The following FKBP5 variants were observed in gnomAD, a reference collection of about 807,000 sequenced individuals.
The protein encoded by FKBP5 is peptidyl-prolyl cis-trans isomerase FKBP5.
FKBP5 carries 23 observed loss-of-function variants against 50.5 expected under a neutral mutation model. That is an observed-to-expected ratio of 0.46 (90% CI 0.33 to 0.65). The LOEUF is 0.65. Ranked by LOEUF, FKBP5 falls within the 30% of genes least tolerant of loss-of-function variation. FKBP5 has a pLI of 0.02. For synonymous variants in FKBP5, 176 were observed against 190.6 expected, an observed-to-expected ratio of 0.92 and a Z score of 0.63; for missense variants, 411 against 553.1, an observed-to-expected ratio of 0.74 and a Z score of 2.58.
At chr6:35,628,696 T>C (rs1764067531) in intron 3 of FKBP5, among the ~76,000 whole-genome samples, 1 of 152,220 alleles carries the variant, frequency 6.6e-6, no homozygotes, top group Non-Finnish European at 1.5e-5. Context: ...CCTGTATACC[T>C]TTTCCTCATA....
intron 7 of FKBP5, among the ~76,000 whole-genome samples, chr6:35,589,701 A>C (rs952183802): frequency 6.6e-6 from 1 of 152,222 alleles, no homozygotes; most frequent in Non-Finnish European, 1.5e-5. Context: ...GCTAAAGATT[A>C]TCTTCTCTCT....
intron 7 of FKBP5, among the ~76,000 whole-genome samples, chr6:35,589,320 G>GT (rs1293256955): frequency 2.0e-5 from 3 of 151,368 alleles, no homozygotes; most frequent in Non-Finnish European, 4.4e-5. Context: ...GCATAGATGG[G>GT]TTTTCACCAT....
chr6:35,585,382 A>AAAAAC (rs1561844523), intron 8 of FKBP5: 1 of 981,738 alleles, frequency 1.0e-6, no homozygotes, highest in Admixed American at 6.2e-5. Flanking sequence ...AATTAGAATT[A>AAAAAC]AAAACAAAAC....
chr6:35,721,600 C>T (rs1433742618), intron 1 of FKBP5, among the ~76,000 whole-genome samples: 1 of 152,110 alleles, frequency 6.6e-6, no homozygotes, highest in Non-Finnish European at 1.5e-5. Context: ...GGACCACAGC[C>T]ATGCGCTACC....
intron 1 of FKBP5, among the ~76,000 whole-genome samples, chr6:35,665,483 G>A (rs1765190187): frequency 6.6e-6 from 1 of 151,916 alleles, no homozygotes. Flanking sequence ...TAGAGATAGG[G>A]TTTCACTATG....
chr6:35,591,582 T>A (rs1209268702), intron 6 of FKBP5, among the ~76,000 whole-genome samples: 1 of 152,156 alleles, frequency 6.6e-6, no homozygotes, highest in African/African-American at 2.4e-5. Flanking sequence ...TGCCAGGAAT[T>A]TTCCCCTAAG....
At chr6:35,579,117 A>G (rs61188051) in intron 9 of FKBP5, among the ~76,000 whole-genome samples, 5,439 of 152,042 alleles carry the variant, frequency 0.036, 126 homozygotes, top group African/African-American at 0.071. Context: ...AAATAGCAAC[A>G]ACTTGTCTCT....
At chr6:35,577,329 T>C in intron 9 of FKBP5, 96 bp from the exon 10 acceptor site, 3 of 1,177,232 alleles carry the variant, frequency 2.5e-6, no homozygotes, top group Non-Finnish European at 2.4e-6. Flanking sequence ...ATGGAAAAAG[T>C]GTATTTAAAA....
At chr6:35,632,452 T>A (rs1021595571) in intron 3 of FKBP5, among the ~76,000 whole-genome samples, 1 of 152,170 alleles carries the variant, frequency 6.6e-6, no homozygotes, top group Non-Finnish European at 1.5e-5. Flanking sequence ...GTGCTTACCA[T>A]TTGTTAGGCT....
At chr6:35,677,289 G>A (rs1765553071) in intron 1 of FKBP5, among the ~76,000 whole-genome samples, 1 of 152,080 alleles carries the variant, frequency 6.6e-6, no homozygotes, top group Admixed American at 6.6e-5. Context: ...TAGCCAGAGT[G>A]GTCTCGATCT....
At chr6:35,631,683 G>A (rs1364751204) in intron 3 of FKBP5, among the ~76,000 whole-genome samples, 6 of 152,238 alleles carry the variant, frequency 3.9e-5, no homozygotes, top group Middle Eastern at 3.4e-3. Context: ...GAGGCTGGGT[G>A]TGGTGGCTCA....
intron 1 of FKBP5, 83 bp downstream of exon 1, chr6:35,688,721 C>G (rs1042151617): frequency 6.6e-6 from 1 of 150,782 alleles, no homozygotes; most frequent in African/African-American, 2.4e-5. Flanking sequence ...CGAGTGCGAC[C>G]GCGGCGGGAC....
At chr6:35,579,186 C>T (rs1762341242) in intron 9 of FKBP5, among the ~76,000 whole-genome samples, 1 of 151,926 alleles carries the variant, frequency 6.6e-6, no homozygotes, top group Non-Finnish European at 1.5e-5. Flanking sequence ...TCTCTCTCCG[C>T]TCTGTATGAA....
intron 2 of FKBP5, among the ~76,000 whole-genome samples, chr6:35,637,609 G>A (rs935532675): frequency 7.2e-5 from 11 of 151,920 alleles, no homozygotes; most frequent in Non-Finnish European, 1.5e-4. Flanking sequence ...GATTACAGGC[G>A]TGCGCCTCCG....
rs756142655 is a variant in FKBP5 at position 35,636,987 on chromosome 6, A to T, written c.250+27T>A. ...ACAAATAGTAATAAAGCTAAGTAAA[A>T]CACAACTCAAAAAAATACCCTCTTA... is the stretch of plus-strand genomic sequence containing the variant. On this transcript the variant is annotated intron_variant, in intron 3 of 10. Transcript: ENST00000357266. 1.2e-5 allele frequency: 19 copies of T among 1,569,328 alleles called. No individual in the cohort carries two copies. In the Admixed American group the frequency reaches 4.1e-4, roughly 34 times the overall value.
At chr6:35,671,155 T>C (rs1765375923) in intron 1 of FKBP5, among the ~76,000 whole-genome samples, 1 of 151,786 alleles carries the variant, frequency 6.6e-6, no homozygotes, top group South Asian at 2.1e-4. Flanking sequence ...TCCCACCTAC[T>C]TGGGTGGCTG....
At chr6:35,707,516 C>T (rs1490906330) in intron 2 of FKBP5, among the ~76,000 whole-genome samples, 3 of 151,906 alleles carry the variant, frequency 2.0e-5, no homozygotes, top group Non-Finnish European at 2.9e-5. Context: ...CCACCGCGCC[C>T]GGCCATGAAA....
intron 3 of FKBP5, among the ~76,000 whole-genome samples, chr6:35,625,059 T>C (rs1763955140): frequency 6.6e-6 from 1 of 152,214 alleles, no homozygotes; most frequent in African/African-American, 2.4e-5. Context: ...AATTCCTAGA[T>C]GTAGAATTAC....
At chr6:35,625,904 C>T (rs984197313) in intron 3 of FKBP5, among the ~76,000 whole-genome samples, 3 of 151,310 alleles carry the variant, frequency 2.0e-5, no homozygotes, top group African/African-American at 7.3e-5. Context: ...CTCAGCCTCC[C>T]GAGTAGCTGG....
Sources: gnomAD v4.1 joint callset for allele counts (sites outside exome capture counted in the v4.1 genomes callset) on GRCh38, gnomAD v4.1.1 for gene constraint, MANE v1.5 for transcripts, NCBI Gene and HGNC (gene_info 2026-07-23, HGNC 2026-07-21) for gene names.